The following SAGE1 variants were observed in gnomAD, a reference collection of about 807,000 sequenced individuals.
SAGE1 encodes the protein sarcoma antigen 1.
Under a neutral mutation model 55.4 loss-of-function variants are expected in SAGE1, and 55 were observed. That is an observed-to-expected ratio of 0.99 (90% CI 0.80 to 1.24). The LOEUF (loss-of-function observed/expected upper bound fraction) is 1.24, where lower values mean the gene tolerates loss of function less well. SAGE1 is among the 50% of genes most tolerant of loss of function. The pLI is 0.00. For missense variants in SAGE1, 710 were observed against 704.4 expected, an observed-to-expected ratio of 1.01 and a Z score of -0.09; for synonymous variants, 240 against 244.3, an observed-to-expected ratio of 0.98 and a Z score of 0.17.
rs137926286 is a variant in SAGE1 at position 135,907,801 on chromosome X, G to T, written c.1119G>T (p.Leu373Phe). Reference sequence around the variant, plus strand: ...CTGTTCTACCAGGGCTTGCTTATTTGGCAACAGCTGATATGCCAGCCATGA... The same window carrying T: ...CTGTTCTACCAGGGCTTGCTTATTTTGCAACAGCTGATATGCCAGCCATGA... ...LSTVLPGLAY[L>F]ATADMPAMST... Residue 373 changes from leucine (L) to phenylalanine (F), a missense_variant, in exon 10 of 20, where the codon TTG (leucine) becomes TTT (phenylalanine). Physicochemically the swap from Leu to Phe is conservative, Grantham distance 22. Coordinates refer to ENST00000370709, the MANE Select transcript of SAGE1 (RefSeq NM_001381902.1). The T allele has an allele frequency of 8.3e-4, 999 of 1,208,904 alleles. 5 individuals are homozygous for T. The African/African-American group carries it at 0.014, about 17-fold the overall frequency.
intron 2 of SAGE1, among the ~76,000 whole-genome samples, 194 bp downstream of exon 2, chrX:135,896,523 ATTTATTTTAT>A (rs782590619): frequency 1.7e-4 from 18 of 103,851 alleles, no homozygotes; most frequent in Admixed American, 3.1e-4. Flanking sequence ...CTAGGAACTG[ATTTATTTTAT>A]TTTATTTTAT....
Sources: allele counts gnomAD v4.1 joint callset (sites outside exome capture counted in the v4.1 genomes callset), GRCh38; gene constraint gnomAD v4.1.1; transcripts MANE v1.5; gene names NCBI Gene and HGNC (gene_info 2026-07-23, HGNC 2026-07-21).